SESN1: variants seen among roughly 807,000 people sequenced by gnomAD.
SESN1 encodes sestrin 1.
SESN1 carries 30 observed loss-of-function variants against 59.3 expected under a neutral mutation model. The ratio of observed to expected loss-of-function variants is 0.51; its 90% CI spans 0.38 to 0.69. The LOEUF is 0.69. Among genes scored for constraint, SESN1 ranks in the 30% least tolerant of loss-of-function variants. The pLI is 0.00. For synonymous variants in SESN1, 197 were observed against 219.9 expected (o/e 0.90, Z 0.92); for missense variants, 566 against 673.0 (o/e 0.84, Z 1.76).
chr6:109,085,028 A>T (rs1442435002), intron 1 of SESN1, among the ~76,000 whole-genome samples: 1 of 151,166 alleles, frequency 6.6e-6, no homozygotes, highest in African/African-American at 2.4e-5. Context: ...ACGCACTTTT[A>T]AAAAAACAAG....
intron 1 of SESN1, among the ~76,000 whole-genome samples, chr6:109,075,848 C>G (rs1291381350): frequency 6.6e-6 from 1 of 152,140 alleles, no homozygotes; most frequent in Non-Finnish European, 1.5e-5. Flanking sequence ...AAAATAAAAG[C>G]TCCTCAACAC....
chr6:109,048,674 C>G (rs1054752706), intron 1 of SESN1, among the ~76,000 whole-genome samples: 1 of 152,106 alleles, frequency 6.6e-6, no homozygotes, highest in South Asian at 2.1e-4. Flanking sequence ...ATTTTAAAAT[C>G]TTATTCCCTA....
At chr6:109,026,798 C>T (rs1477592015) in intron 1 of SESN1, among the ~76,000 whole-genome samples, 9 of 152,290 alleles carry the variant, frequency 5.9e-5, no homozygotes, top group African/African-American at 2.2e-4. Flanking sequence ...CCACTGCGCC[C>T]GGCCAGGTTT....
At chr6:109,062,259 G>A (rs1009602800) in intron 1 of SESN1, among the ~76,000 whole-genome samples, 1 of 152,228 alleles carries the variant, frequency 6.6e-6, no homozygotes, top group Non-Finnish European at 1.5e-5. Context: ...TTTATTAGGT[G>A]AATAAGAGAG....
chr6:109,003,250 C>T (rs997138671), intron 1 of SESN1, among the ~76,000 whole-genome samples: 77 of 151,268 alleles, frequency 5.1e-4, no homozygotes, highest in African/African-American at 1.9e-3. Context: ...AGATTAACCC[C>T]TTCACTCATA....
chr6:109,046,331 A>C (rs1483209629), intron 1 of SESN1, among the ~76,000 whole-genome samples: 3 of 151,862 alleles, frequency 2.0e-5, no homozygotes, highest in Non-Finnish European at 4.4e-5. Context: ...GTGATCCGCC[A>C]GCCTTGGCCT....
rs74915736 is a variant in SESN1, at chr6:109,094,312, T to G, written c.-239A>C. The G allele has an allele frequency of 3.1e-3, 1,649 of 533,180 alleles. 26 individuals are homozygous for G. Among genetic ancestry groups the G allele is most frequent in the African/African-American group, 0.028 (1,479 of 52,220 alleles). The allele number at this position is 533,180 out of a possible 1,614,324, so 33.0% of individuals were successfully genotyped here. A position where few individuals can be genotyped will look rare whatever the true frequency, so the allele number is the denominator to read the frequency against. Reference sequence around the variant, plus strand: ...GTCTTCTTTCTGGAAAAACAAAGTTTGAAAGTTGCAACCTTGCAGCGCTGG... The same window carrying G: ...GTCTTCTTTCTGGAAAAACAAAGTTGGAAAGTTGCAACCTTGCAGCGCTGG... On this transcript the variant is annotated 5_prime_UTR_variant, in exon 1 of 10. Transcript: ENST00000436639.
At chr6:109,082,480 C>T (rs1442326660) in intron 1 of SESN1, among the ~76,000 whole-genome samples, 1 of 152,188 alleles carries the variant, frequency 6.6e-6, no homozygotes, top group Non-Finnish European at 1.5e-5. Flanking sequence ...ACTAACTTCA[C>T]AGCCCATGGT....
At chr6:109,007,187 A>C (rs1402508495) in intron 1 of SESN1, among the ~76,000 whole-genome samples, 1 of 152,192 alleles carries the variant, frequency 6.6e-6, no homozygotes, top group Non-Finnish European at 1.5e-5. Context: ...TCAGAGTGAA[A>C]ATTCGTAGTG....
rs74408173 is a variant in SESN1, at chr6:109,059,118, T to C, written c.279+34677A>G. Among the ~76,000 whole-genome samples, 1,037 of 150,184 alleles carry C rather than the reference T, an allele frequency of 6.9e-3. 7 individuals are homozygous for C. Among genetic ancestry groups the C allele is most frequent in the African/African-American group, 0.024 (974 of 39,838 alleles). ...TCATACACACACACACACACACACA[T>C]AATTTACAGATAACTTCTTAACATT... On this transcript the variant is annotated intron_variant, in intron 1 of 9. Transcript: ENST00000436639.
intron 1 of SESN1, among the ~76,000 whole-genome samples, chr6:109,079,049 A>G (rs1781076418): frequency 6.6e-6 from 1 of 152,168 alleles, no homozygotes; most frequent in Non-Finnish European, 1.5e-5. Flanking sequence ...CTGGAATTGG[A>G]TATTTCTTTA....
rs1781112371 is a variant in SESN1, at chr6:109,080,996, C to T, written c.279+12799G>A. The stretch of plus-strand genomic sequence containing the variant: ...ATATTTTGTGTTTAGATTTGGGTTA[C>T]ATCCCGAAGATATCTCATTATACAT... On this transcript the variant is annotated intron_variant, in intron 1 of 9. Coordinates refer to ENST00000436639, the MANE Select transcript of SESN1 (RefSeq NM_014454.3). 2.0e-5 allele frequency among the ~76,000 whole-genome samples: 3 copies of T among 151,996 alleles called. No homozygotes were observed. The South Asian group carries it at 6.2e-4, about 31-fold the overall frequency.
intron 3 of SESN1, 137 bp from the exon 4 acceptor site, chr6:109,000,810 T>C: frequency 1.6e-6 from 1 of 628,576 alleles, no homozygotes; most frequent in Non-Finnish European, 2.3e-6. Flanking sequence ...GAAATGCAGT[T>C]TTTATATAAA....
intron 7 of SESN1, among the ~76,000 whole-genome samples, chr6:108,991,333 C>T (rs1779380306): frequency 1.3e-5 from 2 of 152,234 alleles, no homozygotes; most frequent in South Asian, 4.1e-4. Context: ...TCTCCAACTG[C>T]TGGGCTCAAG....
At chr6:109,047,964 C>T (rs1780479842) in intron 1 of SESN1, among the ~76,000 whole-genome samples, 1 of 147,124 alleles carries the variant, frequency 6.8e-6, no homozygotes, top group East Asian at 2.0e-4. Flanking sequence ...CTGCGGAAGG[C>T]CACAGGGTCC....
intron 1 of SESN1, among the ~76,000 whole-genome samples, chr6:109,007,646 G>A (rs138764194): frequency 1.4e-3 from 209 of 152,076 alleles, no homozygotes; most frequent in African/African-American, 4.8e-3. Flanking sequence ...CTGGCCTTTC[G>A]ACATTCAAAA....
At chr6:109,017,693 T>G (rs1323370831) in intron 1 of SESN1, among the ~76,000 whole-genome samples, 1 of 152,162 alleles carries the variant, frequency 6.6e-6, no homozygotes, top group East Asian at 1.9e-4. Flanking sequence ...GATTAGCAGA[T>G]AGCTTGGGAT....
chr6:109,062,514 T>A (rs1368648017), intron 1 of SESN1, among the ~76,000 whole-genome samples: 1 of 152,228 alleles, frequency 6.6e-6, no homozygotes, highest in Non-Finnish European at 1.5e-5. Context: ...CCAGTTTGGA[T>A]GATAAATTAT....
chr6:109,046,147 G>A (rs1187255925), intron 1 of SESN1, among the ~76,000 whole-genome samples: 1 of 151,708 alleles, frequency 6.6e-6, no homozygotes, highest in Admixed American at 6.6e-5. Context: ...ATGCGGAGCC[G>A]AAGCTGGACT....
Sources: allele counts gnomAD v4.1 joint callset (sites outside exome capture counted in the v4.1 genomes callset), GRCh38; gene constraint gnomAD v4.1.1; transcripts MANE v1.5; gene names NCBI Gene and HGNC (gene_info 2026-07-23, HGNC 2026-07-21).